Variants in CDH7 observed in about 807,000 individuals in gnomAD.
CDH7 encodes cadherin 7, also known as cadherin-7.
In CDH7, 25 loss-of-function variants were observed where a neutral mutation model predicts 71.8. That is an observed-to-expected ratio of 0.35 (90% CI 0.25 to 0.49). The LOEUF (loss-of-function observed/expected upper bound fraction) is 0.49. Among genes scored for constraint, CDH7 ranks in the 20% least tolerant of loss-of-function variants. The pLI, the probability that CDH7 is intolerant of heterozygous loss-of-function variation, is 0.99. For missense variants in CDH7, 862 were observed against 974.6 expected, an observed-to-expected ratio of 0.88 and a Z score of 1.54; for synonymous variants, 381 against 363.8, an observed-to-expected ratio of 1.05 and a Z score of -0.54.
intron 2 of CDH7, among the ~76,000 whole-genome samples, chr18:65,764,037 TGTCA>T (rs1424533011): frequency 6.6e-6 from 1 of 152,140 alleles, no homozygotes; most frequent in African/African-American, 2.4e-5. Context: ...CACTTCACTC[TGTCA>T]GTTTTATATT....
At chr18:65,790,842 T>C (rs1318501675) in intron 2 of CDH7, among the ~76,000 whole-genome samples, 1 of 152,138 alleles carries the variant, frequency 6.6e-6, no homozygotes, top group Admixed American at 6.5e-5. Flanking sequence ...GCACTCCAGC[T>C]TAGGCAACAG....
intron 2 of CDH7, among the ~76,000 whole-genome samples, chr18:65,782,101 TC>T (rs1452795015): frequency 1.6e-5 from 1 of 61,862 alleles, no homozygotes; most frequent in East Asian, 3.8e-4. Context: ...CTTCCTTCCT[TC>T]CTTCCTTCTT....
intron 7 of CDH7, among the ~76,000 whole-genome samples, chr18:65,850,203 T>C (rs1300254675): frequency 6.8e-6 from 1 of 146,730 alleles, no homozygotes; most frequent in Non-Finnish European, 1.5e-5. Flanking sequence ...TAAATACTTA[T>C]TGAAAAGTCA....
intron 7 of CDH7, among the ~76,000 whole-genome samples, chr18:65,855,862 T>C (rs1913335503): frequency 6.6e-6 from 1 of 152,028 alleles, no homozygotes; most frequent in Non-Finnish European, 1.5e-5. Flanking sequence ...AATCAAGCAA[T>C]ATAGAAAAGA....
At chr18:65,774,484 C>T (rs548228688) in intron 2 of CDH7, among the ~76,000 whole-genome samples, 9 of 152,114 alleles carry the variant, frequency 5.9e-5, no homozygotes, top group South Asian at 2.1e-4. Flanking sequence ...CAAATTAAAA[C>T]GACCTTTTTC....
intron 2 of CDH7, among the ~76,000 whole-genome samples, chr18:65,798,415 G>A (rs993904889): frequency 2.0e-5 from 3 of 152,210 alleles, no homozygotes; most frequent in African/African-American, 7.2e-5. Context: ...GAAGGAGAGA[G>A]CATGGTATGC....
chr18:65,799,600 C>T (rs1002109858), intron 2 of CDH7, among the ~76,000 whole-genome samples: 1 of 151,968 alleles, frequency 6.6e-6, no homozygotes, highest in Non-Finnish European at 1.5e-5. Flanking sequence ...GACGTGAACC[C>T]AGGAGGCGGA....
chr18:65,857,813 T>C lies in CDH7; in HGVS notation c.1236-3T>C. 1 of 1,611,600 alleles carries C rather than the reference T, an allele frequency of 6.2e-7. No individual in the cohort carries two copies. The highest frequency in any genetic ancestry group is 8.5e-7 in the Non-Finnish European group (1 of 1,178,860). ...GCTTTTCTTTTCTTCAATGTTCAAT[T>C]AGGTACTCAATTGACAGAAACACAG... On this transcript the variant is annotated splice_polypyrimidine_tract_variant and splice_region_variant and intron_variant, in intron 7 of 11. Coordinates refer to ENST00000397968, the MANE Select transcript of CDH7 (RefSeq NM_004361.5).
chr18:65,871,272 C>CTT (rs1436531007), intron 11 of CDH7, among the ~76,000 whole-genome samples: 3 of 152,136 alleles, frequency 2.0e-5, no homozygotes, highest in Admixed American at 6.5e-5. Flanking sequence ...GTGGGTAGCA[C>CTT]TACTTAAGCC....
Position 65,880,054 on chromosome 18 carries a change from C to CA in CDH7, c.1865-340dup, listed in dbSNP as rs377364444. On this transcript the variant is annotated intron_variant, in intron 11 of 11. Transcript: ENST00000397968. ...TTGCCTTTCCAGCAATTAAGGAGTT[C>CA]AAAAAAATCCCTTTGTGTTTCCTGG... Among the ~76,000 whole-genome samples the CA allele has an allele frequency of 3.3e-3, 501 of 152,088 alleles. 3 individuals carry two copies. Among genetic ancestry groups the CA allele is most frequent in the African/African-American group, 0.012 (477 of 41,472 alleles).
rs1193481444 is a variant in CDH7 at position 65,824,710 on chromosome 18, C to G, written c.860C>G (p.Ala287Gly). 1 of 1,612,244 alleles carries G rather than the reference C, an allele frequency of 6.2e-7. No homozygotes were observed. The highest frequency in any genetic ancestry group is 1.7e-5 in the Admixed American group (1 of 59,958). ...TCAGTTGTGGCCAGAATTAAAGCTG[C>G]TGATGCAGATATTGGAGCTAATGCT... ...VASVVARIKAADADIGANAEM... is the reference protein window; with the variant it reads ...VASVVARIKAGDADIGANAEM... Residue 287 changes from alanine to glycine, a missense_variant, in exon 6 of 12, where the codon GCT becomes GGT. Coordinates refer to ENST00000397968, the MANE Select transcript of CDH7 (RefSeq NM_004361.5).
chr18:65,753,513 T>C (rs766493378), intron 1 of CDH7, among the ~76,000 whole-genome samples: 6 of 152,212 alleles, frequency 3.9e-5, no homozygotes, highest in Non-Finnish European at 5.9e-5. Context: ...TTAGCTTAAA[T>C]TGGAAGTTTC....
chr18:65,815,786 G>A (rs1911704113), intron 4 of CDH7, among the ~76,000 whole-genome samples: 1 of 152,190 alleles, frequency 6.6e-6, no homozygotes, highest in Non-Finnish European at 1.5e-5. Context: ...TCCTGTGAAT[G>A]TGGAAAGCGT....
chr18:65,866,532 C>G (rs904802917), intron 11 of CDH7: 10 of 151,932 alleles, frequency 6.6e-5, no homozygotes, highest in Admixed American at 1.3e-4. Context: ...CAATGCTAAC[C>G]CAAACCTTAC....
intron 3 of CDH7, among the ~76,000 whole-genome samples, chr18:65,810,840 A>G (rs552371279): frequency 1.3e-4 from 20 of 152,266 alleles, no homozygotes; most frequent in African/African-American, 4.8e-4. Flanking sequence ...GTAAGGAGTT[A>G]CCCATTTGGA....
chr18:65,755,116 A>G (rs1410703680), intron 1 of CDH7, among the ~76,000 whole-genome samples: 1 of 152,218 alleles, frequency 6.6e-6, no homozygotes, highest in African/African-American at 2.4e-5. Flanking sequence ...TTTCACTTTT[A>G]GGAAAGATGA....
intron 4 of CDH7, among the ~76,000 whole-genome samples, chr18:65,818,630 G>A (rs970935369): frequency 1.3e-5 from 2 of 152,086 alleles, no homozygotes; most frequent in African/African-American, 2.4e-5. Flanking sequence ...GATATTTTAA[G>A]TACTAAGAAT....
intron 2 of CDH7, among the ~76,000 whole-genome samples, chr18:65,772,151 A>G (rs1261491670): frequency 6.6e-6 from 1 of 152,192 alleles, no homozygotes; most frequent in Admixed American, 6.6e-5. Context: ...CATAATGTTC[A>G]ACAGATGTGA....
chr18:65,810,072 T>A lies in CDH7; in HGVS notation c.505+74T>A, dbSNP rs1911477552. On this transcript the variant is annotated intron_variant, in intron 3 of 11. Transcript: ENST00000397968. ...ATTTGTATTTAAAATTAAATCATCA[T>A]TAAGTACTGAAAAAAAAAAAAACCT... is the stretch of plus-strand genomic sequence containing the variant. 9 of 1,227,466 alleles carry A rather than the reference T, an allele frequency of 7.3e-6. 1 individual carries two copies. In the South Asian group the frequency reaches 1.3e-4, roughly 18 times the overall value. 76.0% of individuals were successfully genotyped at this position (1,227,466 alleles called of 1,614,324 possible).
Sources: allele counts gnomAD v4.1 joint callset (sites outside exome capture counted in the v4.1 genomes callset), GRCh38; gene constraint gnomAD v4.1.1; transcripts MANE v1.5; gene names NCBI Gene and HGNC (gene_info 2026-07-23, HGNC 2026-07-21).